The following LPP variants were observed in gnomAD, a reference collection of about 807,000 sequenced individuals.
LPP encodes LIM domain containing preferred translocation partner in lipoma, also known as lipoma-preferred partner.
Under a neutral mutation model 60.4 loss-of-function variants are expected in LPP, and 38 were observed. The ratio of observed to expected loss-of-function variants is 0.63; its 90% confidence interval spans 0.49 to 0.83. The LOEUF (loss-of-function observed/expected upper bound fraction) is 0.83. LPP is among the 40% of genes least tolerant of loss of function. LPP has a pLI of 0.00. For missense variants in LPP, 902 were observed against 783.6 expected (o/e 1.15, Z -1.80); for synonymous variants, 328 against 290.8 (o/e 1.13, Z -1.30).
At chr3:188,672,344 A>G (rs1369737969) in intron 7 of LPP, among the ~76,000 whole-genome samples, 1 of 151,728 alleles carries the variant, frequency 6.6e-6, no homozygotes, top group Non-Finnish European at 1.5e-5. Context: ...AAGTGCACCC[A>G]TACCCCCATT....
chr3:188,424,847 G>T (rs1788849136), intron 4 of LPP, among the ~76,000 whole-genome samples: 1 of 152,180 alleles, frequency 6.6e-6, no homozygotes. Flanking sequence ...ATTTTGGGTT[G>T]AGATTTTGGG....
intron 3 of LPP, 29 bp from the exon 4 acceptor site, chr3:188,406,083 A>G (rs1783423528): frequency 6.3e-7 from 1 of 1,588,336 alleles, no homozygotes; most frequent in Non-Finnish European, 8.6e-7. Context: ...TCATGCTTCC[A>G]TAAAAACAGT....
intron 6 of LPP, among the ~76,000 whole-genome samples, chr3:188,534,468 G>C (rs558494289): frequency 3.9e-5 from 6 of 152,240 alleles, no homozygotes; most frequent in African/African-American, 1.2e-4. Flanking sequence ...GTTCTTGTTA[G>C]GACTGGTTTC....
intron 8 of LPP, chr3:188,725,416 A>G (rs773205691): frequency 2.0e-5 from 3 of 152,262 alleles, no homozygotes; most frequent in Non-Finnish European, 2.9e-5. Context: ...GAGATCACCT[A>G]TGAAGACATC....
At chr3:188,641,194 T>C (rs555073808) in intron 7 of LPP, among the ~76,000 whole-genome samples, 14 of 152,350 alleles carry the variant, frequency 9.2e-5, no homozygotes, top group African/African-American at 3.1e-4. Context: ...GACTCTCAAA[T>C]TGCAGTCTGT....
At chr3:188,343,557 T>G (rs1215383807) in intron 3 of LPP, among the ~76,000 whole-genome samples, 4 of 152,198 alleles carry the variant, frequency 2.6e-5, no homozygotes, top group Admixed American at 1.3e-4. Flanking sequence ...CCGATGCCAA[T>G]TGTTAAATAT....
intron 3 of LPP, among the ~76,000 whole-genome samples, chr3:188,376,172 G>A (rs1320307461): frequency 6.6e-6 from 1 of 152,146 alleles, no homozygotes; most frequent in African/African-American, 2.4e-5. Context: ...TGAAAAAAAT[G>A]TGTATTCTGT....
At chr3:188,653,767 G>T (rs1852559440) in intron 7 of LPP, among the ~76,000 whole-genome samples, 1 of 152,018 alleles carries the variant, frequency 6.6e-6, no homozygotes, top group African/African-American at 2.4e-5. Flanking sequence ...TTTGCATTTT[G>T]ATCTTTTTAT....
At chr3:188,310,380 C>T (rs962576903) in intron 2 of LPP, among the ~76,000 whole-genome samples, 2 of 151,892 alleles carry the variant, frequency 1.3e-5, no homozygotes, top group African/African-American at 4.8e-5. Flanking sequence ...GCCAAGGATG[C>T]CCGGTTGATG....
chr3:188,592,553 T>TTTTTTTTTTTTTGTG, intron 6 of LPP, among the ~76,000 whole-genome samples: 1 of 121,344 alleles, frequency 8.2e-6, no homozygotes, highest in East Asian at 2.5e-4. Context: ...TTAGTTTTGT[T>TTTTTTTTTTTTTGTG]TTTGTTTTTT....
At chr3:188,521,293 C>T (rs1179813298) in intron 5 of LPP, among the ~76,000 whole-genome samples, 1 of 152,156 alleles carries the variant, frequency 6.6e-6, no homozygotes, top group Non-Finnish European at 1.5e-5. Context: ...AAATAGGGAG[C>T]AGTCTGAACT....
Position 188,855,526 on chromosome 3 carries a change from G to T in LPP, c.1411-10674G>T, listed in dbSNP as rs138193861. Reference sequence around the variant, plus strand: ...AGTGTGGTGATGCAGGCCATCTGAGGATAGTAATGAAATTTGGGGGATGTC... The same window carrying T: ...AGTGTGGTGATGCAGGCCATCTGAGTATAGTAATGAAATTTGGGGGATGTC... On this transcript the variant is annotated intron_variant, in intron 9 of 11. Coordinates refer to ENST00000617246, the MANE Select transcript of LPP (RefSeq NM_001375462.1). 9.8e-5 allele frequency among the ~76,000 whole-genome samples: 15 copies of T among 152,328 alleles called. No homozygotes were observed. In the East Asian group the frequency reaches 2.9e-3, roughly 29 times the overall value.
At chr3:188,462,759 G>A (rs1421438347) in intron 4 of LPP, among the ~76,000 whole-genome samples, 1 of 151,082 alleles carries the variant, frequency 6.6e-6, no homozygotes, top group African/African-American at 2.4e-5. Context: ...TCAAAGGTGA[G>A]GCTCTACATT....
intron 6 of LPP, among the ~76,000 whole-genome samples, chr3:188,590,825 G>C (rs1288252090): frequency 6.6e-6 from 1 of 152,116 alleles, no homozygotes; most frequent in East Asian, 1.9e-4. Flanking sequence ...ACTAGCCTGT[G>C]ATCTCTAAGG....
intron 1 of LPP, among the ~76,000 whole-genome samples, chr3:188,170,439 C>A (rs1197971959): frequency 2.6e-5 from 4 of 151,190 alleles, no homozygotes; most frequent in Non-Finnish European, 5.9e-5. Context: ...CAAGCAATTC[C>A]ACTGCCTCAG....
At chr3:188,530,439 T>A (rs1356018438) in intron 6 of LPP, among the ~76,000 whole-genome samples, 1 of 152,218 alleles carries the variant, frequency 6.6e-6, no homozygotes, top group Non-Finnish European at 1.5e-5. Flanking sequence ...TCAGAGGTGA[T>A]CCTGGAGTGA....
At chr3:188,571,326 TATAG>T (rs1309929308) in intron 6 of LPP, among the ~76,000 whole-genome samples, 1 of 152,050 alleles carries the variant, frequency 6.6e-6, no homozygotes, top group African/African-American at 2.4e-5. Context: ...TCCTAGTAGG[TATAG>T]ATAGATGTTA....
At chr3:188,753,896 T>G (rs1729129512) in intron 8 of LPP, among the ~76,000 whole-genome samples, 1 of 152,056 alleles carries the variant, frequency 6.6e-6, no homozygotes, top group African/African-American at 2.4e-5. Flanking sequence ...CTCTATAGAA[T>G]CAGATATACA....
chr3:188,583,392 T>C (rs1836710280), intron 6 of LPP, among the ~76,000 whole-genome samples: 1 of 152,138 alleles, frequency 6.6e-6, no homozygotes, highest in South Asian at 2.1e-4. Flanking sequence ...CCTGGAACAT[T>C]GTTCACTACC....
Sources: gnomAD v4.1 joint callset for allele counts (sites outside exome capture counted in the v4.1 genomes callset) on GRCh38, gnomAD v4.1.1 for gene constraint, MANE v1.5 for transcripts, NCBI Gene and HGNC (gene_info 2026-07-23, HGNC 2026-07-21) for gene names.